SEPTIN6: variants seen among roughly 807,000 people sequenced by gnomAD.
SEPTIN6 encodes septin-6.
SEPTIN6 carries 8 observed loss-of-function variants against 33.6 expected under a neutral mutation model. The observed-to-expected ratio is 0.24, with a 90% CI of 0.14 to 0.43. The LOEUF is 0.43. Ranked by LOEUF, SEPTIN6 falls within the 20% of genes least tolerant of loss-of-function variation. The pLI is 1.00. For synonymous variants in SEPTIN6, 131 were observed against 140.0 expected, an observed-to-expected ratio of 0.94 and a Z score of 0.45; for missense variants, 250 against 340.8, an observed-to-expected ratio of 0.73 and a Z score of 2.10.
chrX:119,646,516 T>G (rs759119972), intron 5 of SEPTIN6, among the ~76,000 whole-genome samples: 2 of 111,869 alleles, frequency 1.8e-5, no homozygotes, highest in Non-Finnish European at 3.8e-5. Context: ...CCTTGAGAGA[T>G]ATCAGAGCAT....
intron 3 of SEPTIN6, among the ~76,000 whole-genome samples, chrX:119,662,461 A>T (rs1363574859): frequency 1.8e-5 from 2 of 111,783 alleles, no homozygotes; most frequent in East Asian, 2.8e-4. Flanking sequence ...TTTTGCCTTC[A>T]CAACCCCACA....
Position 119,640,681 on chromosome X carries a change from G to A in SEPTIN6, c.787+11C>T, listed in dbSNP as rs374281504. 43 of 1,183,622 alleles carry A rather than the reference G, an allele frequency of 3.6e-5. No individual in the cohort carries two copies. The African/African-American group carries it at 6.7e-4, about 19-fold the overall frequency. On this transcript the variant is annotated intron_variant, in intron 6 of 10. Transcript: ENST00000394610. ...CTTCCTGTGTGTAGCCCTTCCCGGA[G>A]ACTCACTCACCCTGCACAGTGCCCC...
At chrX:119,654,852 C>G (rs2054412748) in intron 3 of SEPTIN6, among the ~76,000 whole-genome samples, 1 of 111,377 alleles carries the variant, frequency 9.0e-6, no homozygotes, top group Non-Finnish European at 1.9e-5. Context: ...AGCCACTGTT[C>G]CGAAGGGTAA....
chrX:119,683,211 C>A (rs779493213), intron 1 of SEPTIN6, among the ~76,000 whole-genome samples: 1 of 112,655 alleles, frequency 8.9e-6, no homozygotes, highest in African/African-American at 3.2e-5. Context: ...TGAGATCGCA[C>A]AACTGCACTC....
chrX:119,619,813 CT>C lies in SEPTIN6; in HGVS notation c.*279del. The C allele has an allele frequency of 9.7e-7, 1 of 1,028,710 alleles. No individual in the cohort carries two copies. The highest frequency in any genetic ancestry group is 3.0e-5 in the South Asian group (1 of 33,733). 84.8% of individuals were successfully genotyped at this position (1,028,710 alleles called of 1,213,427 possible). ...ATGTGGGGGAAGACAGGGGGGATGG[CT>C]GGGGGTGCTGGGAGGGGGACTGGGA... On this transcript the variant is annotated 3_prime_UTR_variant, in exon 11 of 11. Transcript: ENST00000394610.
intron 1 of SEPTIN6, among the ~76,000 whole-genome samples, chrX:119,676,782 A>C (rs925483718): frequency 9.0e-6 from 1 of 111,146 alleles, no homozygotes; most frequent in Non-Finnish European, 1.9e-5. Context: ...AAAAAAAAGC[A>C]ATTGTTCCTC....
intron 2 of SEPTIN6, among the ~76,000 whole-genome samples, chrX:119,671,423 G>T (rs1301596302): frequency 6.4e-5 from 7 of 108,859 alleles, no homozygotes; most frequent in Admixed American, 9.7e-5. Context: ...GAGTAGCTGG[G>T]ACTACAGGCG....
chrX:119,662,678 T>C (rs1167762783), intron 3 of SEPTIN6, among the ~76,000 whole-genome samples: 1 of 112,397 alleles, frequency 8.9e-6, no homozygotes, highest in Non-Finnish European at 1.9e-5. Context: ...ACCAGGTTTT[T>C]CCAGCCCTTA....
At chrX:119,663,187 G>C (rs1316155847) in intron 3 of SEPTIN6, among the ~76,000 whole-genome samples, 1 of 112,076 alleles carries the variant, frequency 8.9e-6, no homozygotes, top group Non-Finnish European at 1.9e-5. Flanking sequence ...GAGCTCGACA[G>C]TACCTGGCGC....
At chrX:119,665,663 G>A (rs962250993) in intron 2 of SEPTIN6, among the ~76,000 whole-genome samples, 6 of 111,029 alleles carry the variant, frequency 5.4e-5, no homozygotes, top group Non-Finnish European at 1.9e-5. Context: ...TGACAAGGGG[G>A]CTAAACAGGA....
rs780764092 is a variant in SEPTIN6, at chrX:119,663,542, C to T, written c.281G>A (p.Arg94Lys). 86 of 1,205,627 alleles carry T rather than the reference C, an allele frequency of 7.1e-5. No homozygotes were observed. In the South Asian group the frequency reaches 1.5e-3, roughly 21 times the overall value. The change falls in exon 3 of 11, where the codon AGG becomes AAG. Residue 94 changes from arginine to lysine, a missense_variant. This residue lies in a region of SEPTIN6 where 111 missense variants were observed against 113.8 expected (regional missense o/e 0.98). Coordinates refer to ENST00000394610, the MANE Select transcript of SEPTIN6 (RefSeq NM_145799.4). ...TGTGCTAACGATCGTGAGCTTTAGCCTCACGTTGCTCTCTTGGAGGTCATA... is the reference window on the plus strand; with the variant it reads ...TGTGCTAACGATCGTGAGCTTTAGCTTCACGTTGCTCTCTTGGAGGTCATA... ...NTYDLQESNV[R>K]LKLTIVSTVG...
At chrX:119,691,207 T>C (rs2055167094) in intron 1 of SEPTIN6, among the ~76,000 whole-genome samples, 1 of 111,491 alleles carries the variant, frequency 9.0e-6, no homozygotes, top group South Asian at 3.7e-4. Flanking sequence ...GTGCCTGAGG[T>C]GAAACACACA....
intron 2 of SEPTIN6, among the ~76,000 whole-genome samples, chrX:119,664,750 G>T (rs751985629): frequency 1.3e-4 from 13 of 100,764 alleles, no homozygotes; most frequent in African/African-American, 4.9e-4. Context: ...TGAGGCAGGA[G>T]AATTACTTGA....
Position 119,671,290 on chromosome X carries a change from G to GTT in SEPTIN6, c.145+4262_145+4263dup, listed in dbSNP as rs149958364. On this transcript the variant is annotated intron_variant, in intron 2 of 10. Coordinates refer to ENST00000394610, the MANE Select transcript of SEPTIN6 (RefSeq NM_145799.4). Reference sequence around the variant, plus strand: ...GTGAGACCTCATCTCTACACAATAAGTTTTTTTTTTTTTTTGAGACGGAAT... The same window carrying GTT: ...GTGAGACCTCATCTCTACACAATAAGTTTTTTTTTTTTTTTTTGAGACGGAAT... Among the ~76,000 whole-genome samples the GTT allele has an allele frequency of 3.6e-4, 35 of 98,266 alleles. 1 individual carries two copies. Among genetic ancestry groups the GTT allele is most frequent in the Non-Finnish European group, 2.9e-4 (14 of 48,405 alleles). The allele number at this position is 98,266 out of a possible 115,157, so 85.3% of individuals were successfully genotyped here. A position where few individuals can be genotyped will look rare whatever the true frequency, so the allele number is the denominator to read the frequency against.
chrX:119,664,295 T>C (rs1343712980), intron 2 of SEPTIN6, among the ~76,000 whole-genome samples: 1 of 111,389 alleles, frequency 9.0e-6, no homozygotes, highest in Non-Finnish European at 1.9e-5. Context: ...TATACGTTGC[T>C]TTTATAGTCA....
chrX:119,620,114 A>C, intron 10 of SEPTIN6, 63 bp from the exon 11 acceptor site: 1 of 866,376 alleles, frequency 1.2e-6, no homozygotes, highest in Non-Finnish European at 1.7e-6. Context: ...AAAAAAAAAA[A>C]AGTCAGAAGA....
rs750144306 is a variant in SEPTIN6 at position 119,636,989 on chromosome X, AGCTGGGCTGGGCTGG to A, written c.956+23_956+37del. 3.4e-6 allele frequency: 4 copies of A among 1,188,427 alleles called. No homozygotes were observed. The Admixed American group carries it at 9.1e-5, about 27-fold the overall frequency. ...CACACCACCTGAGTGGGCTGAGCTG[AGCTGGGCTGGGCTGG>A]GCTGGGCTGGCAGGAGCGGTACCTG... On this transcript the variant is annotated intron_variant, in intron 7 of 10. Coordinates refer to ENST00000394610, the MANE Select transcript of SEPTIN6 (RefSeq NM_145799.4).
At position 119,635,039 on chromosome X, in the gene SEPTIN6, AAAG is replaced by A. The variant is rs1208664491; in HGVS notation, c.957-1550_957-1548del. 15 of 263,758 alleles carry A rather than the reference AAAG, an allele frequency of 5.7e-5. No individual in the cohort carries two copies. In the Admixed American group the frequency reaches 7.2e-4, roughly 13 times the overall value. The allele number at this position is 263,758 out of a possible 1,213,427, so 21.7% of individuals were successfully genotyped here. On this transcript the variant is annotated intron_variant, in intron 7 of 10. Coordinates refer to ENST00000394610, the MANE Select transcript of SEPTIN6 (RefSeq NM_145799.4). ...AAAAAAAAAAAAAAGAAAGAAAAGAAAAGAAGAAGTGATAGGATCTTAATGTTA... is the reference window on the plus strand; with the variant it reads ...AAAAAAAAAAAAAAGAAAGAAAAGAAAAGAAGTGATAGGATCTTAATGTTA...
chrX:119,687,250 T>C (rs977705404), intron 1 of SEPTIN6, among the ~76,000 whole-genome samples: 1 of 104,186 alleles, frequency 9.6e-6, no homozygotes, highest in African/African-American at 3.5e-5. Flanking sequence ...TCATCTGTCT[T>C]TTTTTTTTTT....
Sources: allele counts gnomAD v4.1 joint callset (sites outside exome capture counted in the v4.1 genomes callset), GRCh38; gene constraint gnomAD v4.1.1; regional missense constraint gnomAD v4.1.1; transcripts MANE v1.5; gene names NCBI Gene and HGNC (gene_info 2026-07-23, HGNC 2026-07-21).